The following AOPEP variants were observed in gnomAD, a reference collection of about 807,000 sequenced individuals.
AOPEP encodes aminopeptidase O (putative).
AOPEP carries 77 observed loss-of-function variants against 98.1 expected under a neutral mutation model. The ratio of observed to expected loss-of-function variants is 0.78; its 90% CI spans 0.65 to 0.95. The LOEUF (loss-of-function observed/expected upper bound fraction) is 0.95, where lower values mean the gene tolerates loss of function less well. Ranked by LOEUF, AOPEP falls within the 40% of genes least tolerant of loss-of-function variation. AOPEP has a pLI of 0.00. For missense variants in AOPEP, 1,024 were observed against 1,024.7 expected, an observed-to-expected ratio of 1.00 and a Z score of 0.01; for synonymous variants, 346 against 365.3, an observed-to-expected ratio of 0.95 and a Z score of 0.60.
the AOPEP span, among the ~76,000 whole-genome samples, chr9:95,122,865 A>G: frequency 6.6e-6 from 1 of 152,190 alleles, no homozygotes; most frequent in Non-Finnish European, 1.5e-5. Flanking sequence ...ATTTACAGTT[A>G]GGCTCAAAAT....
At chr9:94,774,244 G>A (rs1057013895) in intron 3 of AOPEP, among the ~76,000 whole-genome samples, 4 of 147,722 alleles carry the variant, frequency 2.7e-5, no homozygotes, top group African/African-American at 1.0e-4. Flanking sequence ...CCTGGGAGAT[G>A]GAGCTTGCAG....
At chr9:95,114,742 A>C in the AOPEP span, 1 of 1,595,602 alleles carries the variant, frequency 6.3e-7, no homozygotes, top group Admixed American at 1.7e-5. Context: ...TCAGAGGGCA[A>C]CTGAGGAAAT....
intron 2 of AOPEP, among the ~76,000 whole-genome samples, chr9:94,772,053 G>T (rs939969018): frequency 1.3e-5 from 2 of 152,090 alleles, no homozygotes; most frequent in African/African-American, 4.8e-5. Flanking sequence ...TTATAATGAT[G>T]TTAATGAAAA....
chr9:94,921,363 T>C (rs551227086), intron 5 of AOPEP: 1 of 152,456 alleles, frequency 6.6e-6, no homozygotes, highest in Admixed American at 6.5e-5. Flanking sequence ...TGCAGTGTTT[T>C]ACAGGTCCGT....
At chr9:95,147,954 T>TA in the AOPEP span, among the ~76,000 whole-genome samples, 1 of 152,164 alleles carries the variant, frequency 6.6e-6, no homozygotes, top group African/African-American at 2.4e-5. Context: ...GGGAAATACT[T>TA]AAAGTACTGA....
At chr9:94,776,274 G>A (rs7341710) in intron 3 of AOPEP, among the ~76,000 whole-genome samples, 7,998 of 152,098 alleles carry the variant, frequency 0.053, 234 homozygotes, top group Admixed American at 0.077. Context: ...GTAACAGAGC[G>A]TAAAGAGTAT....
intron 5 of AOPEP, among the ~76,000 whole-genome samples, chr9:94,856,193 C>T (rs1217757976): frequency 6.6e-6 from 1 of 152,210 alleles, no homozygotes; most frequent in African/African-American, 2.4e-5. Context: ...TCCACACCTG[C>T]TGAGTGTCTG....
the AOPEP span, among the ~76,000 whole-genome samples, chr9:95,142,857 C>T: frequency 6.6e-6 from 1 of 152,302 alleles, no homozygotes; most frequent in Non-Finnish European, 1.5e-5. Flanking sequence ...CTCACACTCA[C>T]TGTGTGGATT....
intron 14 of AOPEP, among the ~76,000 whole-genome samples, chr9:95,064,510 C>G (rs368451313): frequency 1.3e-5 from 2 of 152,174 alleles, no homozygotes; most frequent in Non-Finnish European, 2.9e-5. Context: ...AGGCTGTTCT[C>G]GAACTCCTGA....
At chr9:94,896,649 C>T (rs910808785) in intron 5 of AOPEP, among the ~76,000 whole-genome samples, 4 of 152,184 alleles carry the variant, frequency 2.6e-5, no homozygotes, top group Admixed American at 6.5e-5. Context: ...TGAAAAATCT[C>T]AGACAAACCT....
intron 1 of AOPEP, among the ~76,000 whole-genome samples, chr9:94,740,054 C>T (rs558455677): frequency 8.5e-5 from 13 of 152,248 alleles, no homozygotes; most frequent in African/African-American, 1.2e-4. Context: ...GGGTGCATCA[C>T]GCCCTCATAT....
intron 5 of AOPEP, among the ~76,000 whole-genome samples, chr9:94,802,793 G>T (rs561877676): frequency 6.6e-6 from 1 of 152,174 alleles, no homozygotes; most frequent in South Asian, 2.1e-4. Flanking sequence ...CCCAGGTCTA[G>T]ATGTTTTTCT....
intron 11 of AOPEP, among the ~76,000 whole-genome samples, chr9:94,997,904 G>A (rs1309963857): frequency 6.6e-6 from 1 of 151,830 alleles, no homozygotes; most frequent in Non-Finnish European, 1.5e-5. Flanking sequence ...TCACTATGTT[G>A]CCCAGGCTGG....
intron 1 of AOPEP, among the ~76,000 whole-genome samples, chr9:94,752,425 T>A (rs998337556): frequency 6.6e-6 from 1 of 151,874 alleles, no homozygotes; most frequent in African/African-American, 2.4e-5. Flanking sequence ...CACATACGTA[T>A]CAGTAAATGC....
chr9:94,826,801 G>A (rs1854697311), intron 5 of AOPEP, among the ~76,000 whole-genome samples: 1 of 152,158 alleles, frequency 6.6e-6, no homozygotes. Context: ...ATGGCCACAA[G>A]GGTAGTGGTG....
intron 3 of AOPEP, among the ~76,000 whole-genome samples, chr9:94,791,625 C>T (rs1845745200): frequency 6.6e-6 from 1 of 152,056 alleles, no homozygotes; most frequent in Non-Finnish European, 1.5e-5. Flanking sequence ...GGTTGAGCTG[C>T]AGTGAACTGT....
intron 5 of AOPEP, among the ~76,000 whole-genome samples, chr9:94,865,451 A>G (rs2045600585): frequency 6.6e-6 from 1 of 152,232 alleles, no homozygotes; most frequent in Non-Finnish European, 1.5e-5. Context: ...TGTAACAGGA[A>G]TTACAAATGA....
In AOPEP at chr9:94,885,348, C is replaced by CAAAAAAAAAAAAAAAAAA. The variant is rs71366268; in HGVS notation, c.1365-38613_1365-38596dup. ...TGGGTGACAGAGTGAGATCCTGTCT[C>CAAAAAAAAAAAAAAAAAA]AAAAAAAAAAAAAAAAAAAAAAAAA... On this transcript the variant is annotated intron_variant, in intron 5 of 16. Coordinates refer to ENST00000375315, the MANE Select transcript of AOPEP (RefSeq NM_001193329.3). 1.4e-4 allele frequency among the ~76,000 whole-genome samples: 5 copies of CAAAAAAAAAAAAAAAAAA among 35,988 alleles called. 1 individual carries two copies. Among genetic ancestry groups the CAAAAAAAAAAAAAAAAAA allele is most frequent in the Admixed American group, 1.2e-3 (2 of 1,622 alleles). The allele number at this position is 35,988 out of a possible 152,430, so 23.6% of individuals were successfully genotyped here.
intron 5 of AOPEP, among the ~76,000 whole-genome samples, chr9:94,834,873 A>AT (rs1193292676): frequency 6.6e-6 from 1 of 151,982 alleles, no homozygotes; most frequent in African/African-American, 2.4e-5. Context: ...AACAAAAAAG[A>AT]TTTTTTATCT....
Sources: gnomAD v4.1 joint callset for allele counts (sites outside exome capture counted in the v4.1 genomes callset) on GRCh38, gnomAD v4.1.1 for gene constraint, MANE v1.5 for transcripts, NCBI Gene and HGNC (gene_info 2026-07-23, HGNC 2026-07-21) for gene names.